The following GABRB2 variants were observed in gnomAD, a reference collection of about 807,000 sequenced individuals.
The protein encoded by GABRB2 is gamma-aminobutyric acid type A receptor subunit beta2.
GABRB2 carries 16 observed loss-of-function variants against 54.7 expected under a neutral mutation model. The ratio of observed to expected loss-of-function variants is 0.29; its 90% CI spans 0.20 to 0.44. The LOEUF (loss-of-function observed/expected upper bound fraction) is 0.44, where lower values mean the gene tolerates loss of function less well. GABRB2 is among the 20% of genes least tolerant of loss of function. The pLI, the probability that GABRB2 is intolerant of heterozygous loss-of-function variation, is 1.00. For synonymous variants in GABRB2, 244 were observed against 233.8 expected (o/e 1.04, Z -0.40); for missense variants, 355 against 644.0 (o/e 0.55, Z 4.86).
rs1225693563 is a variant in GABRB2, at chr5:161,290,911, T to C, written c.*3170A>G. 6.6e-6 allele frequency: 1 copy of C among 152,618 alleles called. No individual in the cohort carries two copies. Among genetic ancestry groups the C allele is most frequent in the Non-Finnish European group, 1.5e-5 (1 of 68,012 alleles). The allele number at this position is 152,618 out of a possible 1,614,324, so 9.5% of individuals were successfully genotyped here. On this transcript the variant is annotated 3_prime_UTR_variant, in exon 10 of 10. Transcript: ENST00000393959. ...TGTGTGTGTTCCTAATGCTAGAATG[T>C]AAAGTCTTTTGGTTCATAAACCATT...
chr5:161,516,533 A>G (rs55701147), intron 3 of GABRB2, among the ~76,000 whole-genome samples: 2,652 of 152,306 alleles, frequency 0.017, 87 homozygotes, highest in African/African-American at 0.061. Context: ...AAGATAAATA[A>G]TAAGGGAGCA....
chr5:161,474,624 G>A (rs189039823), intron 3 of GABRB2, among the ~76,000 whole-genome samples: 2 of 151,996 alleles, frequency 1.3e-5, no homozygotes, highest in African/African-American at 4.8e-5. Flanking sequence ...GTATCAATGT[G>A]TTCTGCTATT....
chr5:161,479,804 G>A (rs1239408550), intron 3 of GABRB2, among the ~76,000 whole-genome samples: 1 of 151,846 alleles, frequency 6.6e-6, no homozygotes, highest in Non-Finnish European at 1.5e-5. Context: ...TGGTCAGGCT[G>A]GTCTCCAATT....
chr5:161,325,469 C>G (rs900571502), intron 9 of GABRB2, among the ~76,000 whole-genome samples: 1 of 152,036 alleles, frequency 6.6e-6, no homozygotes, highest in Non-Finnish European at 1.5e-5. Context: ...TCCCCTACCC[C>G]AATGGCAACA....
Position 161,290,763 on chromosome 5 carries a change from A to AAT in GABRB2, c.*3316_*3317dup, listed in dbSNP as rs1757216791. 6.6e-6 allele frequency: 1 copy of AAT among 152,518 alleles called. No individual in the cohort carries two copies. The highest frequency in any genetic ancestry group is 2.1e-4 in the South Asian group (1 of 4,832). The allele number at this position is 152,518 out of a possible 1,614,324, so 9.4% of individuals were successfully genotyped here. Reference sequence around the variant, plus strand: ...AACTGGAACACGGTTACCTATAGAAAATGGAAATTATCTTAGTTGCCAATT... The same window carrying AAT: ...AACTGGAACACGGTTACCTATAGAAAATATGGAAATTATCTTAGTTGCCAATT... On this transcript the variant is annotated 3_prime_UTR_variant, in exon 10 of 10. Coordinates refer to ENST00000393959, the MANE Select transcript of GABRB2 (RefSeq NM_001371727.1).
chr5:161,310,676 C>T (rs546096423), intron 9 of GABRB2, among the ~76,000 whole-genome samples: 38 of 117,622 alleles, frequency 3.2e-4, no homozygotes, highest in Admixed American at 1.2e-3. Context: ...CGCGCACGCG[C>T]GCACACACAC....
chr5:161,411,610 C>T (rs990063951), intron 4 of GABRB2, among the ~76,000 whole-genome samples: 18 of 152,032 alleles, frequency 1.2e-4, no homozygotes, highest in African/African-American at 4.1e-4. Flanking sequence ...GATTTCTGTC[C>T]TGAGTAATCT....
chr5:161,496,729 G>A (rs982546086), intron 3 of GABRB2, among the ~76,000 whole-genome samples: 1 of 152,024 alleles, frequency 6.6e-6, no homozygotes, highest in Non-Finnish European at 1.5e-5. Flanking sequence ...AACATCTGCA[G>A]AGTAGTTACT....
chr5:161,338,935 T>C (rs1438565377), intron 5 of GABRB2, among the ~76,000 whole-genome samples: 1 of 152,058 alleles, frequency 6.6e-6, no homozygotes, highest in Admixed American at 6.6e-5. Context: ...TCCTGAGACA[T>C]GAGATGCCTA....
chr5:161,429,952 A>C (rs1161035593), intron 4 of GABRB2, among the ~76,000 whole-genome samples: 1 of 152,198 alleles, frequency 6.6e-6, no homozygotes, highest in Non-Finnish European at 1.5e-5. Flanking sequence ...CATGCTCTTT[A>C]GATTTTTAAA....
At chr5:161,465,788 C>T (rs1758261223) in intron 3 of GABRB2, among the ~76,000 whole-genome samples, 2 of 152,002 alleles carry the variant, frequency 1.3e-5, no homozygotes, top group African/African-American at 2.4e-5. Context: ...CTTTTACATT[C>T]GTTTTAACTT....
intron 5 of GABRB2, among the ~76,000 whole-genome samples, chr5:161,407,345 G>T (rs1029204509): frequency 6.6e-6 from 1 of 152,046 alleles, no homozygotes; most frequent in Non-Finnish European, 1.5e-5. Context: ...TTTTATATCT[G>T]GATGGGACAT....
chr5:161,294,393 G>A lies in GABRB2; in HGVS notation c.1227C>T (p.Leu409=), dbSNP rs146425610. 915 of 1,613,876 alleles carry A rather than the reference G, an allele frequency of 5.7e-4. 4 individuals carry two copies. In the East Asian group the frequency reaches 0.011, roughly 20 times the overall value. ...ATGTGGCCATTTCATTTTTTATCTC[G>A]AGAGTGCTCAGTAAGATGTTCTCAT... is the stretch of plus-strand genomic sequence containing the variant. The part of the protein sequence containing the change: ...DPHENILLST[L]EIKNEMATSE... The change falls in exon 10 of 10, where the codon CTC becomes CTT. Residue 409 remains leucine, a synonymous_variant. Coordinates refer to ENST00000393959, the MANE Select transcript of GABRB2 (RefSeq NM_001371727.1).
At chr5:161,495,488 AT>A (rs959163058) in intron 3 of GABRB2, among the ~76,000 whole-genome samples, 4 of 151,992 alleles carry the variant, frequency 2.6e-5, no homozygotes, top group Admixed American at 6.6e-5. Flanking sequence ...TTTTTTAATG[AT>A]TTTTTTCTAA....
At chr5:161,400,921 T>G (rs1756166679) in intron 5 of GABRB2, among the ~76,000 whole-genome samples, 1 of 152,182 alleles carries the variant, frequency 6.6e-6, no homozygotes, top group Non-Finnish European at 1.5e-5. Flanking sequence ...GAATTCATAT[T>G]GATTTTTTTC....
At chr5:161,347,000 C>T (rs1017186758) in intron 5 of GABRB2, among the ~76,000 whole-genome samples, 4 of 151,990 alleles carry the variant, frequency 2.6e-5, no homozygotes, top group Non-Finnish European at 4.4e-5. Context: ...AGAGAAACTT[C>T]GGAGGTGGAC....
chr5:161,494,122 A>AAAACATAAT (rs1759159007), intron 3 of GABRB2, among the ~76,000 whole-genome samples: 1 of 151,830 alleles, frequency 6.6e-6, no homozygotes, highest in Non-Finnish European at 1.5e-5. Flanking sequence ...CAGTTACCAT[A>AAAACATAAT]AAACATAATC....
intron 5 of GABRB2, among the ~76,000 whole-genome samples, chr5:161,383,346 C>A (rs1158829738): frequency 6.6e-6 from 1 of 151,986 alleles, no homozygotes; most frequent in African/African-American, 2.4e-5. Flanking sequence ...CATATTAATG[C>A]AATCATGTGG....
chr5:161,480,778 T>C (rs932776926), intron 3 of GABRB2, among the ~76,000 whole-genome samples: 3 of 152,036 alleles, frequency 2.0e-5, no homozygotes, highest in Non-Finnish European at 2.9e-5. Flanking sequence ...CCTGGCCAAG[T>C]TGGGGCCATT....
Sources: allele counts gnomAD v4.1 joint callset (sites outside exome capture counted in the v4.1 genomes callset), GRCh38; gene constraint gnomAD v4.1.1; transcripts MANE v1.5; gene names NCBI Gene and HGNC (gene_info 2026-07-23, HGNC 2026-07-21).